The following CENPK variants were observed in gnomAD, a reference collection of about 807,000 sequenced individuals.
CENPK encodes centromere protein K.
In CENPK, 46 loss-of-function variants were observed where a neutral mutation model predicts 40.9. The ratio of observed to expected loss-of-function variants is 1.13; its 90% CI spans 0.89 to 1.44. The LOEUF (loss-of-function observed/expected upper bound fraction) is 1.44, where lower values mean the gene tolerates loss of function less well. Ranked by LOEUF, CENPK falls within the 40% of genes most tolerant of loss-of-function variation. CENPK has a pLI of 0.00. For missense variants in CENPK, 288 were observed against 303.5 expected (o/e 0.95, Z 0.38); for synonymous variants, 107 against 104.4 (o/e 1.02, Z -0.15).
At chr5:65,498,406 C>T in the CENPK span, among the ~76,000 whole-genome samples, 1 of 151,874 alleles carries the variant, frequency 6.6e-6, no homozygotes, top group Non-Finnish European at 1.5e-5. Context: ...GACATTTTAT[C>T]AGTTTGAATG....
the CENPK span, among the ~76,000 whole-genome samples, chr5:65,506,220 A>T: frequency 2.0e-5 from 1 of 50,296 alleles, no homozygotes; most frequent in South Asian, 7.1e-4. Flanking sequence ...CCCATTTCTT[A>T]AAAAAAAAAA....
At chr5:65,509,309 T>G in the CENPK span, among the ~76,000 whole-genome samples, 1 of 152,150 alleles carries the variant, frequency 6.6e-6, no homozygotes, top group African/African-American at 2.4e-5. Flanking sequence ...CCCTTCTCAG[T>G]CTCAACCTCT....
intron 6 of CENPK, among the ~76,000 whole-genome samples, chr5:65,538,384 C>T (rs534562096): frequency 4.1e-4 from 62 of 152,160 alleles, no homozygotes; most frequent in African/African-American, 1.4e-3. Flanking sequence ...TGATGTGTGG[C>T]CACCCTACTT....
At chr5:65,508,064 T>C in the CENPK span, among the ~76,000 whole-genome samples, 2 of 152,254 alleles carry the variant, frequency 1.3e-5, no homozygotes, top group Non-Finnish European at 2.9e-5. Context: ...GACATCTGAT[T>C]ACCTGTGATA....
chr5:65,509,512 T>C, the CENPK span, among the ~76,000 whole-genome samples: 1 of 152,256 alleles, frequency 6.6e-6, no homozygotes, highest in African/African-American at 2.4e-5. Flanking sequence ...TGTACGAATG[T>C]ACCTCATTTT....
At chr5:65,527,498 CATATATATATATATATAT>C (rs70983674) in intron 9 of CENPK, among the ~76,000 whole-genome samples, 3,251 of 91,334 alleles carry the variant, frequency 0.036, 72 homozygotes, top group African/African-American at 0.062. Flanking sequence ...TTATTAACAC[CATATATATATATATATAT>C]ATATATATAT....
At chr5:65,562,308 G>C (rs953025671) in intron 1 of CENPK, among the ~76,000 whole-genome samples, 3 of 152,162 alleles carry the variant, frequency 2.0e-5, no homozygotes, top group Non-Finnish European at 2.9e-5. Context: ...AAATTTGTGA[G>C]ACACAAAAGA....
At chr5:65,554,091 T>C (rs1243479485) in intron 3 of CENPK, among the ~76,000 whole-genome samples, 1 of 152,198 alleles carries the variant, frequency 6.6e-6, no homozygotes, top group African/African-American at 2.4e-5. Context: ...ATACCTCTTC[T>C]ACTTTTACAG....
At position 65,518,294 on chromosome 5, in the gene CENPK, CTGAA is replaced by C; in HGVS notation, c.*177_*180del. 1.7e-6 allele frequency: 1 copy of C among 584,366 alleles called. No individual in the cohort carries two copies. 36.2% of individuals were successfully genotyped at this position (584,366 alleles called of 1,614,324 possible). ...ATAGTTTAAAACACTAAAGCACTCA[CTGAA>C]TAAGAAATGACCATTTAAAAATGAA... On this transcript the variant is annotated 3_prime_UTR_variant, in exon 11 of 11. Coordinates refer to ENST00000396679, the MANE Select transcript of CENPK (RefSeq NM_022145.5).
rs1022435113 is a variant in CENPK at position 65,557,291 on chromosome 5, A to T, written c.-39-2345T>A. Among the ~76,000 whole-genome samples the T allele has an allele frequency of 2.0e-5, 3 of 152,232 alleles. No individual in the cohort carries two copies. In the East Asian group the frequency reaches 5.8e-4, roughly 29 times the overall value. ...GAGGAGCAAACTGTTTTTTCTAAAA[A>T]TACTCACAGCAATATTTCATCATTC... On this transcript the variant is annotated intron_variant, in intron 2 of 10. Coordinates refer to ENST00000396679, the MANE Select transcript of CENPK (RefSeq NM_022145.5).
intron 9 of CENPK, among the ~76,000 whole-genome samples, chr5:65,523,983 AC>A (rs1744211768): frequency 6.6e-6 from 1 of 152,170 alleles, no homozygotes; most frequent in African/African-American, 2.4e-5. Context: ...AAGTATTTAC[AC>A]CATCCAAGAA....
downstream of CENPK, among the ~76,000 whole-genome samples, chr5:65,513,148 A>G (rs758927702): frequency 6.6e-6 from 1 of 152,130 alleles, no homozygotes; most frequent in Non-Finnish European, 1.5e-5. Flanking sequence ...AGTGTCCTTC[A>G]CAGAGCGGTT....
intron 3 of CENPK, among the ~76,000 whole-genome samples, chr5:65,552,991 T>C (rs1405022207): frequency 1.3e-5 from 2 of 152,060 alleles, no homozygotes; most frequent in African/African-American, 4.8e-5. Context: ...TTATATGAGA[T>C]AAAAATACGA....
Position 65,542,832 on chromosome 5 carries a change from T to C in CENPK, c.258A>G (p.Glu86=). The change falls in exon 6 of 11, where the codon GAA becomes GAG. Residue 86 remains glutamate, a synonymous_variant. Transcript: ENST00000396679. ...KKTPETIPLT[E]DVLITLGKEE... is the part of the protein sequence containing the mutation. The stretch of plus-strand genomic sequence containing the variant: ...CTTTTCCTAATGTTATGAGAACGTC[T>C]TCAGTCAAGGGAATTGCTACAAAAA... 6.2e-7 allele frequency: 1 copy of C among 1,610,984 alleles called. No individual in the cohort carries two copies. Among genetic ancestry groups the C allele is most frequent in the South Asian group, 1.1e-5 (1 of 90,192 alleles).
At chr5:65,507,607 C>T in the CENPK span, among the ~76,000 whole-genome samples, 1 of 152,176 alleles carries the variant, frequency 6.6e-6, no homozygotes, top group East Asian at 1.9e-4. Context: ...TAAATTGCTT[C>T]AGTCTGCCCC....
chr5:65,555,036 T>A, intron 2 of CENPK, 90 bp from the exon 3 acceptor site: 1 of 659,276 alleles, frequency 1.5e-6, no homozygotes, highest in Admixed American at 2.8e-5. Flanking sequence ...AATATAGCAA[T>A]GAACAAAATA....
At chr5:65,522,093 A>G (rs545550158) in intron 9 of CENPK, among the ~76,000 whole-genome samples, 26 of 152,352 alleles carry the variant, frequency 1.7e-4, no homozygotes, top group African/African-American at 6.0e-4. Context: ...AAAACTATCC[A>G]TAAGCATATA....
chr5:65,535,462 GCTAA>G (rs1425680340), intron 6 of CENPK, among the ~76,000 whole-genome samples: 1 of 152,124 alleles, frequency 6.6e-6, no homozygotes, highest in East Asian at 1.9e-4. Context: ...GAGAGTTTAT[GCTAA>G]CTATGTGATT....
At chr5:65,550,321 C>T (rs1206960852) in intron 5 of CENPK, 3 of 152,064 alleles carry the variant, frequency 2.0e-5, no homozygotes, top group Admixed American at 6.6e-5. Context: ...TTAAAGTTAT[C>T]GATGTGCAAC....
Sources: allele counts gnomAD v4.1 joint callset (sites outside exome capture counted in the v4.1 genomes callset), GRCh38; gene constraint gnomAD v4.1.1; transcripts MANE v1.5; gene names NCBI Gene and HGNC (gene_info 2026-07-23, HGNC 2026-07-21).